SH3GL1: variants seen among roughly 807,000 people sequenced by gnomAD.
SH3GL1 encodes the protein endophilin-A2.
SH3GL1 carries 21 observed loss-of-function variants against 48.8 expected under a neutral mutation model. That is an observed-to-expected ratio of 0.43 (90% confidence interval 0.30 to 0.62). SH3GL1 has a LOEUF of 0.62. Among genes scored for constraint, SH3GL1 ranks in the 20% least tolerant of loss-of-function variants. The probability of loss-of-function intolerance (pLI) is 0.11; values close to 1 mark genes in which losing one functional copy is unlikely to be tolerated. For synonymous variants in SH3GL1, 282 were observed against 217.5 expected (o/e 1.30, Z -2.61); for missense variants, 454 against 503.0 (o/e 0.90, Z 0.93).
At chr19:4,384,805 C>T (rs1973205178) in intron 1 of SH3GL1, among the ~76,000 whole-genome samples, 1 of 152,196 alleles carries the variant, frequency 6.6e-6, no homozygotes, top group South Asian at 2.1e-4. Context: ...AAGCAGTGCT[C>T]AGCCTAAAAG....
rs376292429 is a variant in SH3GL1 at position 4,364,044 on chromosome 19, G to A, written c.465+44C>T. 163 of 1,610,322 alleles carry A rather than the reference G, an allele frequency of 1.0e-4. 2 individuals are homozygous for A. Among genetic ancestry groups the A allele is most frequent in the South Asian group, 4.9e-4 (45 of 90,964 alleles). On this transcript the variant is annotated intron_variant, in intron 5 of 9. Transcript: ENST00000269886. ...TGGCAGGAATGGGGCTGCCCCATCC[G>A]GCAGGGGGAAGGGACAGGCCCCAGG...
At chr19:4,364,535 A>G (rs1184366780) in intron 4 of SH3GL1, 7 of 361,368 alleles carry the variant, frequency 1.9e-5, no homozygotes, top group South Asian at 1.5e-4. Flanking sequence ...GGTTCAAGCA[A>G]TTCTCCTGTC....
In SH3GL1 at chr19:4,361,533, A is replaced by G. The variant is rs1972610875; in HGVS notation, c.*67T>C. On this transcript the variant is annotated 3_prime_UTR_variant, in exon 10 of 10. Transcript: ENST00000269886. Reference sequence around the variant, plus strand: ...GCCCTGGCAGCAGGGGCTCCGTGGAATGCAGGAGACCCAGCAGGGGGTGCC... The same window carrying G: ...GCCCTGGCAGCAGGGGCTCCGTGGAGTGCAGGAGACCCAGCAGGGGGTGCC... The G allele has an allele frequency of 8.0e-7, 1 of 1,257,310 alleles. No individual in the cohort carries two copies. The highest frequency in any genetic ancestry group is 2.4e-5 in the East Asian group (1 of 41,598). The allele number at this position is 1,257,310 out of a possible 1,614,324, so 77.9% of individuals were successfully genotyped here.
chr19:4,365,129 G>A (rs1972743814), intron 4 of SH3GL1, among the ~76,000 whole-genome samples: 1 of 152,000 alleles, frequency 6.6e-6, no homozygotes, highest in Non-Finnish European at 1.5e-5. Flanking sequence ...CAAAACAAAG[G>A]ATCCTAAAAT....
chr19:4,371,350 C>G (rs1042376240), intron 1 of SH3GL1, among the ~76,000 whole-genome samples: 5 of 152,262 alleles, frequency 3.3e-5, no homozygotes, highest in African/African-American at 1.2e-4. Flanking sequence ...CTGTGCCCGG[C>G]AGGCACAGCT....
In SH3GL1 at chr19:4,363,429, C is replaced by G. The variant is rs747016209; in HGVS notation, c.669G>C (p.Leu223=). ...SQLSALVDAQ[L]DYHRQAVQIL... ...TCTGCACGGCCTGCCGGTGGTAGTC[C>G]AGCTGTGCATCCACCAGGGCCGAGA... The change falls in exon 7 of 10, where the codon CTG becomes CTC. Residue 223 remains leucine, a synonymous_variant. Coordinates refer to ENST00000269886, the MANE Select transcript of SH3GL1 (RefSeq NM_003025.4). The G allele has an allele frequency of 4.7e-5, 76 of 1,612,672 alleles. No individual in the cohort carries two copies. The highest frequency in any genetic ancestry group is 2.2e-5 in the East Asian group (1 of 44,846).
chr19:4,366,856 C>T, intron 2 of SH3GL1, 70 bp downstream of exon 2: 1 of 1,510,534 alleles, frequency 6.6e-7, no homozygotes, highest in Non-Finnish European at 9.2e-7. Context: ...TTGGCCGCCT[C>T]CACTATGCCC....
At position 4,389,898 on chromosome 19, in the gene SH3GL1, C is replaced by T. The variant is rs967386103; in HGVS notation, c.45+10426G>A. ...CACTTGGGGGCCAGGGCAGAGGAGA[C>T]GCATGTTCCCGGCCCAGGGAGGGGA... is the stretch of plus-strand genomic sequence containing the variant. On this transcript the variant is annotated intron_variant, in intron 1 of 9. Transcript: ENST00000269886. This position sits in a 1 kb window ranked among gnomAD's most constrained non-coding sequence, Gnocchi z 4.5. Among the ~76,000 whole-genome samples the T allele has an allele frequency of 2.6e-5, 4 of 152,234 alleles. No homozygotes were observed. Among genetic ancestry groups the T allele is most frequent in the Admixed American group, 1.3e-4 (2 of 15,294 alleles).
chr19:4,385,115 A>AAAACTAGGG (rs1973212090), intron 1 of SH3GL1, among the ~76,000 whole-genome samples: 1 of 151,730 alleles, frequency 6.6e-6, no homozygotes. Context: ...AAAAAAAAAA[A>AAAACTAGGG]AACTAGGGTA....
intron 1 of SH3GL1, among the ~76,000 whole-genome samples, chr19:4,382,369 T>C (rs952244494): frequency 2.7e-5 from 4 of 147,900 alleles, no homozygotes; most frequent in African/African-American, 9.9e-5. Flanking sequence ...GCCATTCTCC[T>C]GCCTCAGCCT....
intron 4 of SH3GL1, among the ~76,000 whole-genome samples, chr19:4,364,898 G>GTGTGTGTGTGTGTA (rs1157007038): frequency 2.1e-5 from 2 of 96,014 alleles, no homozygotes; most frequent in South Asian, 3.2e-4. Context: ...GTGTGTGTGT[G>GTGTGTGTGTGTGTA]TATATATATA....
At position 4,376,622 on chromosome 19, in the gene SH3GL1, T is replaced by C. The variant is rs967651754; in HGVS notation, c.46-9628A>G. On this transcript the variant is annotated intron_variant, in intron 1 of 9. Transcript: ENST00000269886. This position sits in a 1 kb window ranked among gnomAD's most constrained non-coding sequence, Gnocchi z 4.3. ...CTTCACACTTCATCTTACACCCCCA[T>C]CTGCCTGGGCGGCCCCCCCATCTCC... Among the ~76,000 whole-genome samples, 4 of 151,746 alleles carry C rather than the reference T, an allele frequency of 2.6e-5. No homozygotes were observed. The highest frequency in any genetic ancestry group is 9.7e-5 in the African/African-American group (4 of 41,280).
rs1785369697 is a variant in SH3GL1 at position 4,367,179 on chromosome 19, G to A, written c.46-185C>T. On this transcript the variant is annotated intron_variant, in intron 1 of 9. Transcript: ENST00000269886. This position sits in a 1 kb window ranked among gnomAD's most constrained non-coding sequence, Gnocchi z 4.2. ...GGCCACACGCTGCCTGCAGAGCAGGGTGGGCCTGCAGGGGGAGGGGGAGGG... is the reference window on the plus strand; with the variant it reads ...GGCCACACGCTGCCTGCAGAGCAGGATGGGCCTGCAGGGGGAGGGGGAGGG... 6.6e-6 allele frequency among the ~76,000 whole-genome samples: 1 copy of A among 152,080 alleles called. No individual in the cohort carries two copies. Among genetic ancestry groups the A allele is most frequent in the Non-Finnish European group, 1.5e-5 (1 of 67,994 alleles).
At chr19:4,371,826 A>G (rs1038650179) in intron 1 of SH3GL1, among the ~76,000 whole-genome samples, 1 of 152,136 alleles carries the variant, frequency 6.6e-6, no homozygotes, top group Non-Finnish European at 1.5e-5. Context: ...TGTGCTACAG[A>G]GCCATCTCCG....
chr19:4,363,639 G>A (rs966969532), intron 6 of SH3GL1, 81 bp downstream of exon 6: 2 of 1,573,622 alleles, frequency 1.3e-6, no homozygotes, highest in Non-Finnish European at 1.7e-6. Flanking sequence ...GTGCCGATCT[G>A]TCCTCCAGCT....
At chr19:4,372,904 GC>G (rs1044120948) in intron 1 of SH3GL1, among the ~76,000 whole-genome samples, 15 of 152,182 alleles carry the variant, frequency 9.9e-5, no homozygotes, top group Non-Finnish European at 2.2e-4. Flanking sequence ...CAGACCTGAG[GC>G]CCTTGCGTGC....
chr19:4,377,978 A>G lies in SH3GL1; in HGVS notation c.46-10984T>C, dbSNP rs969083505. 4.6e-5 allele frequency among the ~76,000 whole-genome samples: 7 copies of G among 152,076 alleles called. No homozygotes were observed. In the South Asian group the frequency reaches 8.3e-4, roughly 18 times the overall value. The stretch of plus-strand genomic sequence containing the variant: ...GGCCCCTTCTGCCCCGCTGTGGCTC[A>G]TCGTCCTTGGAGGGACACCACTCGG... On this transcript the variant is annotated intron_variant, in intron 1 of 9. Coordinates refer to ENST00000269886, the MANE Select transcript of SH3GL1 (RefSeq NM_003025.4).
chr19:4,393,981 C>T (rs2144926216), intron 1 of SH3GL1, among the ~76,000 whole-genome samples: 1 of 151,972 alleles, frequency 6.6e-6, no homozygotes, highest in South Asian at 2.1e-4. Context: ...CTGGCCTCTC[C>T]TTTTCTCCTA....
chr19:4,369,978 G>T (rs780889373), intron 1 of SH3GL1, among the ~76,000 whole-genome samples: 4 of 152,260 alleles, frequency 2.6e-5, no homozygotes, highest in African/African-American at 7.2e-5. Context: ...GGCCGCAAGC[G>T]CGGAAACCAA....
Sources: allele counts gnomAD v4.1 joint callset (sites outside exome capture counted in the v4.1 genomes callset), GRCh38; gene constraint gnomAD v4.1.1; non-coding constraint Gnocchi (gnomAD v3.1); transcripts MANE v1.5; gene names NCBI Gene and HGNC (gene_info 2026-07-23, HGNC 2026-07-21).